DIAPH2: variants seen among roughly 807,000 people sequenced by gnomAD.
DIAPH2 encodes the protein protein diaphanous homolog 2.
In DIAPH2, 35 loss-of-function variants were observed where a neutral mutation model predicts 92.7. The ratio of observed to expected loss-of-function variants is 0.38; its 90% CI spans 0.29 to 0.50. The LOEUF (loss-of-function observed/expected upper bound fraction) is 0.50, where lower values mean the gene tolerates loss of function less well. Ranked by LOEUF, DIAPH2 falls within the 20% of genes least tolerant of loss-of-function variation. The pLI, the probability that DIAPH2 is intolerant of heterozygous loss-of-function variation, is 0.94. For missense variants in DIAPH2, 701 were observed against 819.5 expected, an observed-to-expected ratio of 0.86 and a Z score of 1.77; for synonymous variants, 301 against 280.4, an observed-to-expected ratio of 1.07 and a Z score of -0.73.
intron 17 of DIAPH2, among the ~76,000 whole-genome samples, chrX:96,999,255 C>T (rs1321558543): frequency 9.0e-6 from 1 of 110,852 alleles, no homozygotes. Flanking sequence ...TGGCTCACAC[C>T]TGTAATCCCA....
intron 23 of DIAPH2, among the ~76,000 whole-genome samples, chrX:97,291,088 C>CA (rs376936652): frequency 0.018 from 1,721 of 95,553 alleles, 42 homozygotes; most frequent in African/African-American, 0.058. Context: ...CAGGCTCTGT[C>CA]AAAAAAAAAA....
intron 26 of DIAPH2, among the ~76,000 whole-genome samples, chrX:97,456,408 C>G (rs1435807004): frequency 9.1e-6 from 1 of 110,427 alleles, no homozygotes; most frequent in Non-Finnish European, 1.9e-5. Context: ...AAAAGGCAAT[C>G]TTCAGTGATA....
At position 96,881,581 on chromosome X, in the gene DIAPH2, T is replaced by A; in HGVS notation, c.450T>A (p.Gly150=). The part of the protein sequence containing the change: ...VQYISATAKS[G]GLKNSKHECT... ...TGGTCTCTTTGTTTATTTTATAGGG[T>A]GGGCTGAAAAACAGCAAACATGAAT... The change falls in exon 5 of 27, where the codon GGT becomes GGA. Residue 150 remains glycine (G), a splice_region_variant and synonymous_variant. Coordinates refer to ENST00000324765, the MANE Select transcript of DIAPH2 (RefSeq NM_006729.5). 8.3e-7 allele frequency: 1 copy of A among 1,202,313 alleles called. No individual in the cohort carries two copies. The highest frequency in any genetic ancestry group is 2.3e-5 in the Admixed American group (1 of 44,372).
At chrX:96,867,454 A>C (rs777447291) in intron 4 of DIAPH2, among the ~76,000 whole-genome samples, 7 of 111,165 alleles carry the variant, frequency 6.3e-5, no homozygotes, top group Non-Finnish European at 9.4e-5. Flanking sequence ...TCCTGACCTC[A>C]AGTGATCTGC....
At chrX:97,028,611 C>T (rs1406769967) in intron 17 of DIAPH2, among the ~76,000 whole-genome samples, 2 of 111,959 alleles carry the variant, frequency 1.8e-5, no homozygotes, top group African/African-American at 3.2e-5. Context: ...AAGGTTCATC[C>T]GTGTTGTAGC....
At position 96,685,635 on chromosome X, in the gene DIAPH2, G is replaced by A. The variant is rs749454975; in HGVS notation, c.132+445G>A. ...CCAAGTCCTTGGGAGCCCACCTACA[G>A]CTTCGCAAATCAAGAAGAACACTAT... On this transcript the variant is annotated intron_variant, in intron 1 of 26. Transcript: ENST00000324765. Among the ~76,000 whole-genome samples the A allele has an allele frequency of 4.5e-4, 51 of 112,378 alleles. 1 individual carries two copies. Among genetic ancestry groups the A allele is most frequent in the African/African-American group, 1.6e-3 (48 of 30,951 alleles).
At chrX:97,537,768 TAGA>T (rs2071107457) in intron 26 of DIAPH2, among the ~76,000 whole-genome samples, 1 of 112,160 alleles carries the variant, frequency 8.9e-6, no homozygotes, top group Non-Finnish European at 1.9e-5. Context: ...TGAATGGACT[TAGA>T]AGAAGGTCTT....
intron 1 of DIAPH2, among the ~76,000 whole-genome samples, chrX:96,718,343 T>G (rs1291955649): frequency 1.1e-4 from 5 of 47,470 alleles, no homozygotes; most frequent in African/African-American, 1.5e-4. Context: ...TTTGTTTTTT[T>G]TTTTTTTTTT....
intron 3 of DIAPH2, among the ~76,000 whole-genome samples, chrX:96,746,415 G>A (rs1234236729): frequency 1.8e-5 from 2 of 111,741 alleles, no homozygotes; most frequent in African/African-American, 6.5e-5. Context: ...AATCACACTT[G>A]CTCTTTAAGA....
chrX:97,163,752 T>C (rs1439829309), intron 22 of DIAPH2, among the ~76,000 whole-genome samples: 1 of 112,186 alleles, frequency 8.9e-6, no homozygotes, highest in Non-Finnish European at 1.9e-5. Flanking sequence ...GTCTCTATGC[T>C]TATATTTAGT....
intron 4 of DIAPH2, among the ~76,000 whole-genome samples, chrX:96,778,771 A>C (rs2064395654): frequency 8.9e-6 from 1 of 111,887 alleles, no homozygotes; most frequent in Admixed American, 9.5e-5. Context: ...CTTATTTTGC[A>C]AAATGTTTCT....
In DIAPH2 at chrX:97,112,765, CTTTTTTTTTTTTTTTT is replaced by C. The variant is rs60721723; in HGVS notation, c.2350-1946_2350-1931del. On this transcript the variant is annotated intron_variant, in intron 20 of 26. Transcript: ENST00000324765. ...CTTCCTTCCTTCTTTCCCTTTCTTTCTTTTTTTTTTTTTTTTTTTTTTTTTTTTTTGAGACAGGGTC... is the reference window on the plus strand; with the variant it reads ...CTTCCTTCCTTCTTTCCCTTTCTTTCTTTTTTTTTTTTTTGAGACAGGGTC... 4.6e-4 allele frequency among the ~76,000 whole-genome samples: 17 copies of C among 37,247 alleles called. No homozygotes were observed. In the Middle Eastern group the frequency reaches 0.1, roughly 219 times the overall value. The allele number at this position is 37,247 out of a possible 115,157, so 32.3% of individuals were successfully genotyped here. A position where few individuals can be genotyped will look rare whatever the true frequency, so the allele number is the denominator to read the frequency against.
chrX:96,961,461 A>G (rs1402401222), intron 16 of DIAPH2, among the ~76,000 whole-genome samples: 2 of 42,841 alleles, frequency 4.7e-5, no homozygotes, highest in Non-Finnish European at 1.3e-4. Flanking sequence ...TTATCTTTTC[A>G]AAAAAAAAAA....
chrX:97,457,000 G>T (rs749064242), intron 26 of DIAPH2, among the ~76,000 whole-genome samples: 54 of 111,467 alleles, frequency 4.8e-4, no homozygotes, highest in Middle Eastern at 4.7e-3. Context: ...ATCTGCTTTG[G>T]TTTTTTTGTT....
intron 19 of DIAPH2, 58 bp from the exon 20 acceptor site, chrX:97,099,636 C>G: frequency 6.7e-6 from 5 of 741,270 alleles, no homozygotes; most frequent in Non-Finnish European, 9.4e-6. Flanking sequence ...ATTGTTAATG[C>G]ATGTTTAAAA....
At chrX:97,186,160 A>G (rs185806528) in intron 22 of DIAPH2, among the ~76,000 whole-genome samples, 1 of 111,763 alleles carries the variant, frequency 8.9e-6, no homozygotes, top group African/African-American at 3.2e-5. Flanking sequence ...TACCCATTAC[A>G]AAATTTTGAA....
At chrX:96,753,872 A>G (rs1332996414) in intron 3 of DIAPH2, among the ~76,000 whole-genome samples, 1 of 112,168 alleles carries the variant, frequency 8.9e-6, no homozygotes, top group Non-Finnish European at 1.9e-5. Context: ...TTCTGTAACA[A>G]CATCACCTCT....
chrX:96,854,598 C>CATATATATAT lies in DIAPH2; in HGVS notation c.448-26946_448-26937dup, dbSNP rs57209486. On this transcript the variant is annotated intron_variant, in intron 4 of 26. Transcript: ENST00000324765. ...AAAAACCAAGACTCTCTCTCTCTCT[C>CATATATATAT]ATATATATATATATATATATATATA... Among the ~76,000 whole-genome samples, 57 of 37,102 alleles carry CATATATATAT rather than the reference C, an allele frequency of 1.5e-3. 1 individual carries two copies. The highest frequency in any genetic ancestry group is 4.7e-3 in the East Asian group (4 of 851). 32.2% of individuals were successfully genotyped at this position (37,102 alleles called of 115,157 possible). A position where few individuals can be genotyped will look rare whatever the true frequency, so the allele number is the denominator to read the frequency against.
chrX:97,329,302 GAT>G (rs1403234095), intron 23 of DIAPH2, among the ~76,000 whole-genome samples: 1 of 112,165 alleles, frequency 8.9e-6, no homozygotes, highest in African/African-American at 3.2e-5. Context: ...AGATAAAAGA[GAT>G]ATATTTTTGT....
Sources: allele counts gnomAD v4.1 joint callset (sites outside exome capture counted in the v4.1 genomes callset), GRCh38; gene constraint gnomAD v4.1.1; transcripts MANE v1.5; gene names NCBI Gene and HGNC (gene_info 2026-07-23, HGNC 2026-07-21).